Variants in DCHS2 observed in about 807,000 individuals in gnomAD.
DCHS2 encodes dachsous cadherin-related 2.
A neutral mutation model predicts 182.4 loss-of-function variants in DCHS2; 142 were observed. That is an observed-to-expected ratio of 0.78 (90% CI 0.68 to 0.89). The LOEUF is 0.89. Among genes scored for constraint, DCHS2 ranks in the 40% least tolerant of loss-of-function variants. The pLI is 0.00. For missense variants in DCHS2, 4,319 were observed against 4,198.6 expected, an observed-to-expected ratio of 1.03 and a Z score of -0.79; for synonymous variants, 1,740 against 1,663.3, an observed-to-expected ratio of 1.05 and a Z score of -1.12.
chr4:154,451,480 A>G (rs559151058), intron 1 of DCHS2, among the ~76,000 whole-genome samples: 1 of 152,272 alleles, frequency 6.6e-6, no homozygotes, highest in South Asian at 2.1e-4. Flanking sequence ...CTGAAGGTAC[A>G]AGTAAGTTAC....
chr4:154,238,777 C>A (rs1394362787), intron 19 of DCHS2, among the ~76,000 whole-genome samples: 8 of 152,048 alleles, frequency 5.3e-5, no homozygotes, highest in Admixed American at 5.2e-4. Flanking sequence ...AGAAAGCATC[C>A]AGACTCTAGT....
At chr4:154,405,068 G>A (rs1732342038) in intron 1 of DCHS2, among the ~76,000 whole-genome samples, 1 of 151,968 alleles carries the variant, frequency 6.6e-6, no homozygotes, top group Non-Finnish European at 1.5e-5. Context: ...CAAACATGGT[G>A]AAACCCCCTC....
At chr4:154,463,355 C>T (rs1026433436) in intron 1 of DCHS2, among the ~76,000 whole-genome samples, 1 of 152,066 alleles carries the variant, frequency 6.6e-6, no homozygotes, top group Admixed American at 6.6e-5. Flanking sequence ...GCCTTAAGAT[C>T]CCCAACTATT....
intron 3 of DCHS2, among the ~76,000 whole-genome samples, chr4:154,359,164 C>T (rs1213885792): frequency 6.6e-6 from 1 of 151,904 alleles, no homozygotes; most frequent in Admixed American, 6.6e-5. Context: ...TTACAGAGCA[C>T]TGGTTATTTT....
intron 8 of DCHS2, among the ~76,000 whole-genome samples, chr4:154,321,675 T>G (rs1268363191): frequency 6.6e-6 from 1 of 152,250 alleles, no homozygotes; most frequent in East Asian, 1.9e-4. Context: ...GATTTTTCTC[T>G]TAACCCACAT....
At chr4:154,423,265 C>G (rs1025255933) in intron 1 of DCHS2, among the ~76,000 whole-genome samples, 1 of 152,212 alleles carries the variant, frequency 6.6e-6, no homozygotes, top group African/African-American at 2.4e-5. Flanking sequence ...CTATAGATTT[C>G]TGTATCCTGG....
chr4:154,460,650 A>T (rs1734975163), intron 1 of DCHS2, among the ~76,000 whole-genome samples: 1 of 152,140 alleles, frequency 6.6e-6, no homozygotes, highest in Non-Finnish European at 1.5e-5. Flanking sequence ...TTTTCTGAAA[A>T]TGTGGTGGTT....
Position 154,334,802 on chromosome 4 carries a change from G to T in DCHS2, c.2713+66C>A. Reference sequence around the variant, plus strand: ...GAAAAAAATTATTCAAGATTGTACCGCCTACAAAAAAACAAGAAATGTTCC... The same window carrying T: ...GAAAAAAATTATTCAAGATTGTACCTCCTACAAAAAAACAAGAAATGTTCC... On this transcript the variant is annotated intron_variant, in intron 4 of 19. Transcript: ENST00000357232. 5 of 1,281,706 alleles carry T rather than the reference G, an allele frequency of 3.9e-6. No individual in the cohort carries two copies. The South Asian group carries it at 6.2e-5, about 16-fold the overall frequency. The allele number at this position is 1,281,706 out of a possible 1,614,324, so 79.4% of individuals were successfully genotyped here. A position where few individuals can be genotyped will look rare whatever the true frequency, so the allele number is the denominator to read the frequency against.
intron 1 of DCHS2, among the ~76,000 whole-genome samples, chr4:154,415,691 A>C (rs1244155385): frequency 1.3e-5 from 2 of 152,120 alleles, no homozygotes; most frequent in African/African-American, 4.8e-5. Flanking sequence ...GAGCGTCAGT[A>C]AGATGGAGCT....
At chr4:154,273,134 G>A (rs528640342) in intron 13 of DCHS2, among the ~76,000 whole-genome samples, 1 of 152,228 alleles carries the variant, frequency 6.6e-6, no homozygotes, top group East Asian at 1.9e-4. Context: ...ATACAAAAAA[G>A]ATACCTGTGT....
chr4:154,472,805 C>A (rs1735526571), intron 1 of DCHS2, among the ~76,000 whole-genome samples: 1 of 152,020 alleles, frequency 6.6e-6, no homozygotes. Flanking sequence ...CATTCACATA[C>A]ACACACATTC....
At chr4:154,434,441 G>A (rs1479770493) in intron 1 of DCHS2, among the ~76,000 whole-genome samples, 2 of 151,852 alleles carry the variant, frequency 1.3e-5, no homozygotes, top group African/African-American at 4.8e-5. Context: ...ATAAGTCACT[G>A]GCAAAAATAA....
intron 13 of DCHS2, among the ~76,000 whole-genome samples, chr4:154,282,582 A>G (rs1247250319): frequency 6.6e-6 from 1 of 152,118 alleles, no homozygotes; most frequent in Non-Finnish European, 1.5e-5. Flanking sequence ...CTGGGAATGT[A>G]AAATGGTGCA....
rs1336773400 is a variant in DCHS2 at position 154,491,249 on chromosome 4, G to C, written c.107C>G (p.Ser36Ter). The C allele has an allele frequency of 1.9e-6, 3 of 1,551,392 alleles. No individual in the cohort carries two copies. The highest frequency in any genetic ancestry group is 1.7e-6 in the Non-Finnish European group (2 of 1,146,984). Residue 36 changes from serine to a stop codon, truncating the protein, a stop_gained, in exon 1 of 20, where the codon TCA becomes TGA. Coordinates refer to ENST00000357232, the MANE Select transcript of DCHS2 (RefSeq NM_001358235.2). LOFTEE classifies it high-confidence loss of function. Reference sequence around the variant, plus strand: ...CTGCGTCCTGGCGCCGCTGCTGCCTGACCGCCCATGGGGTGTATCTCTCCT... The same window carrying C: ...CTGCGTCCTGGCGCCGCTGCTGCCTCACCGCCCATGGGGTGTATCTCTCCT... ...PGRRDTPHGRSGSSGARTQRS... is the reference protein window; with the variant it reads ...PGRRDTPHGR
rs1733548544 is a variant in DCHS2, at chr4:154,431,285, A to T, written c.2053-53841T>A. Among the ~76,000 whole-genome samples, 5 of 152,316 alleles carry T rather than the reference A, an allele frequency of 3.3e-5. No individual in the cohort carries two copies. The Middle Eastern group carries it at 0.01, about 311-fold the overall frequency. ...AGGAGGGTGGGGATCCTGTTTACTG[A>T]AACAAGGCAGTGTGTATGACTTAAA... On this transcript the variant is annotated intron_variant, in intron 1 of 19. Transcript: ENST00000357232.
intron 13 of DCHS2, among the ~76,000 whole-genome samples, chr4:154,285,876 T>C (rs1734372008): frequency 6.6e-6 from 1 of 152,094 alleles, no homozygotes. Context: ...TGAGTGAACA[T>C]AGCTGGTAGC....
At chr4:154,252,440 C>T (rs1732415457) in intron 16 of DCHS2, among the ~76,000 whole-genome samples, 1 of 152,100 alleles carries the variant, frequency 6.6e-6, no homozygotes, top group Non-Finnish European at 1.5e-5. Flanking sequence ...TTCATTCCAA[C>T]TATATTTTGT....
chr4:154,296,621 A>G (rs985530934), intron 13 of DCHS2, among the ~76,000 whole-genome samples: 9 of 152,242 alleles, frequency 5.9e-5, no homozygotes, highest in African/African-American at 2.2e-4. Context: ...TGGGCTTTCC[A>G]ACAAAGAAAT....
intron 2 of DCHS2, among the ~76,000 whole-genome samples, chr4:154,366,644 CACACACACAG>C (rs1421544196): frequency 6.6e-6 from 1 of 152,054 alleles, no homozygotes; most frequent in Admixed American, 6.6e-5. Flanking sequence ...TATATATACA[CACACACACAG>C]ACACACACAC....
Sources: allele counts gnomAD v4.1 joint callset (sites outside exome capture counted in the v4.1 genomes callset), GRCh38; gene constraint gnomAD v4.1.1; transcripts MANE v1.5; gene names NCBI Gene and HGNC (gene_info 2026-07-23, HGNC 2026-07-21).